Variants in SNX14 observed in about 807,000 individuals in gnomAD.
The protein encoded by SNX14 is sorting nexin 14.
Under a neutral mutation model 133.8 loss-of-function variants are expected in SNX14, and 93 were observed. That is an observed-to-expected ratio of 0.70 (90% CI 0.59 to 0.83). The LOEUF is 0.83. Among genes scored for constraint, SNX14 ranks in the 40% least tolerant of loss-of-function variants. The pLI is 0.00. For synonymous variants in SNX14, 368 were observed against 365.6 expected (o/e 1.01, Z -0.07); for missense variants, 945 against 1,094.9 (o/e 0.86, Z 1.93).
chr6:85,521,674 G>A (rs959615607), intron 21 of SNX14, among the ~76,000 whole-genome samples: 3 of 152,054 alleles, frequency 2.0e-5, no homozygotes, highest in African/African-American at 4.8e-5. Context: ...TGGTGCAAAA[G>A]AGAGATTTTT....
At chr6:85,551,745 C>G (rs1562310256) in intron 7 of SNX14, among the ~76,000 whole-genome samples, 1 of 152,172 alleles carries the variant, frequency 6.6e-6, no homozygotes, top group Non-Finnish European at 1.5e-5. Context: ...TATGGCTTCA[C>G]TGGTTAAGCT....
intron 17 of SNX14, among the ~76,000 whole-genome samples, chr6:85,534,833 T>TTG (rs1350965508): frequency 1.3e-5 from 2 of 150,056 alleles, no homozygotes. Flanking sequence ...AAGGGAAAGT[T>TTG]TTTTTTTTTT....
chr6:85,528,416 C>T (rs1779155335), intron 19 of SNX14, 54 bp from the exon 20 acceptor site: 1 of 1,406,168 alleles, frequency 7.1e-7, no homozygotes, highest in Non-Finnish European at 9.8e-7. Context: ...ATTTTTAAAA[C>T]CTTAAATTAG....
intron 21 of SNX14, among the ~76,000 whole-genome samples, chr6:85,522,540 T>C (rs1011752995): frequency 5.3e-5 from 8 of 152,202 alleles, no homozygotes; most frequent in Non-Finnish European, 1.2e-4. Flanking sequence ...GGGTCTTCTT[T>C]AATATCTCTC....
intron 8 of SNX14, among the ~76,000 whole-genome samples, chr6:85,548,660 G>C (rs1004046673): frequency 3.9e-5 from 6 of 151,998 alleles, no homozygotes; most frequent in Non-Finnish European, 7.4e-5. Flanking sequence ...GGAGGAACTT[G>C]GGGGACATTA....
At chr6:85,578,543 C>T (rs955075676) in intron 1 of SNX14, among the ~76,000 whole-genome samples, 1 of 151,950 alleles carries the variant, frequency 6.6e-6, no homozygotes, top group East Asian at 1.9e-4. Flanking sequence ...AGAATATGAA[C>T]CTAAAAAAAG....
chr6:85,588,786 T>C, intron 1 of SNX14: 1 of 442,650 alleles, frequency 2.3e-6, no homozygotes, highest in Middle Eastern at 7.2e-4. Context: ...TATTATATAC[T>C]GTATTCTTAC....
intron 23 of SNX14, among the ~76,000 whole-genome samples, chr6:85,516,987 C>T (rs775637801): frequency 6.6e-6 from 1 of 152,078 alleles, no homozygotes; most frequent in Non-Finnish European, 1.5e-5. Context: ...AGAGCTACAC[C>T]ACACTATTCG....
In SNX14 at chr6:85,507,245, T is replaced by C; in HGVS notation, c.2790A>G (p.Pro930=). Reference sequence around the variant, plus strand: ...GCTTTTCAGTTACCTTATTGAGCTCTGGAAACAGTTCCTGTATCACAATGT... The same window carrying C: ...GCTTTTCAGTTACCTTATTGAGCTCCGGAAACAGTTCCTGTATCACAATGT... ...LLDIVIQELF[P]ELNKVQKEVT... Residue 930 remains proline (P), a synonymous_variant, in exon 28 of 29, where the codon CCA becomes CCG. Transcript: ENST00000314673. 1 of 1,611,208 alleles carries C rather than the reference T, an allele frequency of 6.2e-7. No homozygotes were observed.
In SNX14 at chr6:85,543,850, T is replaced by C. The variant is rs544572487; in HGVS notation, c.1109-90A>G. ...GTCCCATTCTAATTGTAGCCAATAC[T>C]AACAGCAGCAATTAGAAGCAATCTA... is the stretch of plus-strand genomic sequence containing the variant. On this transcript the variant is annotated intron_variant, in intron 12 of 28. Coordinates refer to ENST00000314673, the MANE Select transcript of SNX14 (RefSeq NM_153816.6). 1.8e-4 allele frequency: 125 copies of C among 711,668 alleles called. No homozygotes were observed. The African/African-American group carries it at 2.2e-3, about 12-fold the overall frequency. 44.1% of individuals were successfully genotyped at this position (711,668 alleles called of 1,614,324 possible).
chr6:85,543,872 T>C (rs979602529), intron 12 of SNX14, 112 bp from the exon 13 acceptor site: 8 of 504,884 alleles, frequency 1.6e-5, no homozygotes, highest in Non-Finnish European at 2.1e-5. Flanking sequence ...TTAGAAGCAA[T>C]CTAATTCATC....
In SNX14 at chr6:85,543,699, A is replaced by G; in HGVS notation, c.1170T>C (p.His390=). The G allele has an allele frequency of 6.3e-7, 1 of 1,589,666 alleles. No homozygotes were observed. The highest frequency in any genetic ancestry group is 8.6e-7 in the Non-Finnish European group (1 of 1,166,468). Residue 390 remains histidine (H), a synonymous_variant, in exon 13 of 29, where the codon CAT becomes CAC. Coordinates refer to ENST00000314673, the MANE Select transcript of SNX14 (RefSeq NM_153816.6). ...ELSNDEMLSL[H]EELQKIYKTY... The stretch of plus-strand genomic sequence containing the variant: ...TTTTATAAATCTTCTGCAATTCTTC[A>G]TGAAGAGACAGCATTTCATCATTTG...
In SNX14 at chr6:85,593,775, C is replaced by A. The variant is rs942123146; in HGVS notation, c.-57G>T. 2 of 1,603,340 alleles carry A rather than the reference C, an allele frequency of 1.2e-6. No individual in the cohort carries two copies. Among genetic ancestry groups the A allele is most frequent in the South Asian group, 1.1e-5 (1 of 90,262 alleles). ...TGGCTGAGGCAGAGGTCAAGGCGAC[C>A]CCCCATCCACACCTCGCGTCCCCGC... On this transcript the variant is annotated 5_prime_UTR_variant, in exon 1 of 29. Coordinates refer to ENST00000314673, the MANE Select transcript of SNX14 (RefSeq NM_153816.6).
chr6:85,506,144 G>T, intron 28 of SNX14, 139 bp from the exon 29 acceptor site: 1 of 630,392 alleles, frequency 1.6e-6, no homozygotes, highest in South Asian at 1.9e-5. Context: ...CATATGGAGT[G>T]AGAAATATCT....
intron 6 of SNX14, among the ~76,000 whole-genome samples, chr6:85,561,982 T>A (rs1036396261): frequency 3.9e-5 from 6 of 152,162 alleles, no homozygotes; most frequent in African/African-American, 7.2e-5. Context: ...GCAGTTTTTT[T>A]ATCCTAATCC....
chr6:85,513,309 A>G lies in SNX14; in HGVS notation c.2653+491T>C, dbSNP rs547515196. 1.4e-4 allele frequency among the ~76,000 whole-genome samples: 22 copies of G among 152,332 alleles called. 1 individual carries two copies. The East Asian group carries it at 3.8e-3, about 27-fold the overall frequency. On this transcript the variant is annotated intron_variant, in intron 26 of 28. Transcript: ENST00000314673. ...CCTTTGTGATATCTCTGTAACTTGA[A>G]AATGCCTCTATTATCACATGTATGT...
In SNX14 at chr6:85,511,117, T is replaced by C. The variant is rs180984383; in HGVS notation, c.2653+2683A>G. On this transcript the variant is annotated intron_variant, in intron 26 of 28. Coordinates refer to ENST00000314673, the MANE Select transcript of SNX14 (RefSeq NM_153816.6). Reference sequence around the variant, plus strand: ...AATTAAAGTTTTACAATTTTTCTCATATAAATCTTGTGCATGTTTTGTTAG... The same window carrying C: ...AATTAAAGTTTTACAATTTTTCTCACATAAATCTTGTGCATGTTTTGTTAG... Among the ~76,000 whole-genome samples, 15 of 152,358 alleles carry C rather than the reference T, an allele frequency of 9.8e-5. No homozygotes were observed. The East Asian group carries it at 1.9e-3, about 20-fold the overall frequency.
intron 6 of SNX14, among the ~76,000 whole-genome samples, chr6:85,558,426 T>C (rs1790449600): frequency 6.6e-6 from 1 of 152,198 alleles, no homozygotes; most frequent in African/African-American, 2.4e-5. Context: ...AAAATGAACT[T>C]CTTCATTCAG....
At chr6:85,515,029 C>T (rs550071624) in intron 23 of SNX14, among the ~76,000 whole-genome samples, 9 of 152,110 alleles carry the variant, frequency 5.9e-5, no homozygotes, top group East Asian at 5.8e-4. Context: ...CTTTGGAAGA[C>T]GGAGGCAGGC....
Sources: allele counts gnomAD v4.1 joint callset (sites outside exome capture counted in the v4.1 genomes callset), GRCh38; gene constraint gnomAD v4.1.1; transcripts MANE v1.5; gene names NCBI Gene and HGNC (gene_info 2026-07-23, HGNC 2026-07-21).